Variants in SNX27 observed in about 807,000 individuals in gnomAD.
SNX27 encodes sorting nexin 27.
A neutral mutation model predicts 71.6 loss-of-function variants in SNX27; 22 were observed. The observed-to-expected ratio is 0.31, with a 90% confidence interval of 0.22 to 0.44. The LOEUF (loss-of-function observed/expected upper bound fraction) is 0.44, where lower values mean the gene tolerates loss of function less well. SNX27 is among the 20% of genes least tolerant of loss of function. The pLI, the probability that SNX27 is intolerant of heterozygous loss-of-function variation, is 1.00. For synonymous variants in SNX27, 269 were observed against 277.2 expected, an observed-to-expected ratio of 0.97 and a Z score of 0.29; for missense variants, 531 against 698.6, an observed-to-expected ratio of 0.76 and a Z score of 2.70.
chr1:151,652,211 AGGGAGAGGGAGAGGGAG>A (rs1669434631), intron 2 of SNX27, among the ~76,000 whole-genome samples: 1 of 57,402 alleles, frequency 1.7e-5, no homozygotes, highest in African/African-American at 9.6e-5. Flanking sequence ...CCGTGGGGAG[AGGGAGAGGGAGAGGGAG>A]AGGGAGAGGG....
intron 8 of SNX27, among the ~76,000 whole-genome samples, chr1:151,687,429 T>C (rs1285597539): frequency 6.6e-6 from 1 of 152,160 alleles, no homozygotes; most frequent in Admixed American, 6.5e-5. Context: ...GGAACTTTAT[T>C]TTTAAAAAGC....
rs1420930583 is a variant in SNX27 at position 151,668,629 on chromosome 1, T to C, written c.1143T>C (p.Phe381=). ...NDNDLAVTYF[F]HQAVDDVKKG... ...ATGACCTTGCTGTTACCTACTTCTT[T>C]CATCAGGTAGGTGAATTGATCTTCT... Residue 381 remains phenylalanine (F), a synonymous_variant, in exon 7 of 12, where the codon TTT becomes TTC. Transcript: ENST00000458013. 3 of 1,611,578 alleles carry C rather than the reference T, an allele frequency of 1.9e-6. No individual in the cohort carries two copies. The highest frequency in any genetic ancestry group is 2.2e-5 in the East Asian group (1 of 44,840).
chr1:151,625,218 T>C (rs1003858798), intron 1 of SNX27, among the ~76,000 whole-genome samples: 3 of 152,206 alleles, frequency 2.0e-5, no homozygotes, highest in East Asian at 3.9e-4. Context: ...TTAAAAATAC[T>C]GGTGTAGGCC....
chr1:151,671,619 T>A (rs1210216163), intron 7 of SNX27, among the ~76,000 whole-genome samples: 1 of 152,090 alleles, frequency 6.6e-6, no homozygotes, highest in African/African-American at 2.4e-5. Flanking sequence ...GTTTTTTTTT[T>A]CTATTTTTGT....
chr1:151,619,970 G>A (rs1277455414), intron 1 of SNX27, among the ~76,000 whole-genome samples: 2 of 152,228 alleles, frequency 1.3e-5, no homozygotes, highest in Non-Finnish European at 2.9e-5. Context: ...AGAGGCAGGA[G>A]TGAATATGCC....
At chr1:151,626,699 C>CTAAATAAA (rs71090202) in intron 1 of SNX27, among the ~76,000 whole-genome samples, 113 of 151,018 alleles carry the variant, frequency 7.5e-4, no homozygotes, top group African/African-American at 2.1e-3. Flanking sequence ...AAGACTCCGT[C>CTAAATAAA]TAAATAAATA....
intron 5 of SNX27, among the ~76,000 whole-genome samples, chr1:151,665,694 A>G (rs1670158614): frequency 6.6e-6 from 1 of 152,196 alleles, no homozygotes; most frequent in Non-Finnish European, 1.5e-5. Flanking sequence ...GTATTTAGAG[A>G]TAATAGCTGT....
At chr1:151,692,405 C>CTTTTTT (rs1558078028) in intron 8 of SNX27, 30 bp from the exon 9 acceptor site, 1 of 1,261,158 alleles carries the variant, frequency 7.9e-7, no homozygotes. Flanking sequence ...GTTTCTCCTT[C>CTTTTTT]CTTTTTTTTT....
intron 2 of SNX27, among the ~76,000 whole-genome samples, chr1:151,646,456 A>G (rs1669035636): frequency 6.6e-6 from 1 of 151,586 alleles, no homozygotes; most frequent in South Asian, 2.1e-4. Context: ...TTGGATGGAT[A>G]GAGTATTTTT....
Position 151,653,555 on chromosome 1 carries a change from A to G in SNX27, c.544-4680A>G, listed in dbSNP as rs193294643. 1.1e-4 allele frequency among the ~76,000 whole-genome samples: 17 copies of G among 152,264 alleles called. 1 individual carries two copies. Among genetic ancestry groups the G allele is most frequent in the East Asian group, 9.7e-4 (5 of 5,180 alleles). On this transcript the variant is annotated intron_variant, in intron 2 of 11. Transcript: ENST00000458013. Reference sequence around the variant, plus strand: ...GTTTTTTGAGACAAGCTCTCCTTCTATCACTCAGACTGGAGTGCAGTTGCA... The same window carrying G: ...GTTTTTTGAGACAAGCTCTCCTTCTGTCACTCAGACTGGAGTGCAGTTGCA...
intron 2 of SNX27, among the ~76,000 whole-genome samples, chr1:151,656,928 T>A (rs533561323): frequency 1.3e-5 from 2 of 152,048 alleles, no homozygotes; most frequent in South Asian, 4.2e-4. Context: ...AAAATTAGAA[T>A]AAAAATAAAA....
At chr1:151,647,038 T>G (rs1252733934) in intron 2 of SNX27, among the ~76,000 whole-genome samples, 13 of 152,220 alleles carry the variant, frequency 8.5e-5, no homozygotes, top group Admixed American at 8.5e-4. Flanking sequence ...TATCTTTGCT[T>G]TAAACAATTG....
intron 4 of SNX27, 91 bp from the exon 5 acceptor site, chr1:151,662,075 C>A: frequency 1.3e-6 from 1 of 797,248 alleles, no homozygotes; most frequent in Non-Finnish European, 2.0e-6. Flanking sequence ...TTCTTCTCTA[C>A]CACGTTTTAG....
At chr1:151,628,260 G>A (rs975080532) in intron 1 of SNX27, among the ~76,000 whole-genome samples, 2 of 152,028 alleles carry the variant, frequency 1.3e-5, no homozygotes, top group African/African-American at 4.8e-5. Flanking sequence ...GCCCATCTTC[G>A]CCTACCTAAG....
At chr1:151,638,655 A>G (rs981741329) in intron 1 of SNX27, among the ~76,000 whole-genome samples, 5 of 152,158 alleles carry the variant, frequency 3.3e-5, no homozygotes, top group African/African-American at 1.2e-4. Context: ...GGATATTAGT[A>G]TAGAGGAAGG....
chr1:151,614,280 G>A (rs763208420), intron 1 of SNX27: 11 of 151,406 alleles, frequency 7.3e-5, no homozygotes, highest in Non-Finnish European at 1.5e-4. Flanking sequence ...TTTCATTAAT[G>A]TCCTACATAC....
At chr1:151,676,221 T>C (rs1422750340) in intron 7 of SNX27, 1 of 150,620 alleles carries the variant, frequency 6.6e-6, no homozygotes, top group African/African-American at 2.4e-5. Context: ...GCCATTTTAA[T>C]AGATATTTAC....
chr1:151,686,713 A>G (rs1430273871), intron 8 of SNX27, among the ~76,000 whole-genome samples: 1 of 152,266 alleles, frequency 6.6e-6, no homozygotes, highest in East Asian at 1.9e-4. Flanking sequence ...TTCTGAGCCC[A>G]TAGGCCCTGA....
At chr1:151,622,627 A>G (rs924903225) in intron 1 of SNX27, among the ~76,000 whole-genome samples, 1 of 152,196 alleles carries the variant, frequency 6.6e-6, no homozygotes, top group Non-Finnish European at 1.5e-5. Flanking sequence ...CATGTTGACA[A>G]TGATTCAAAA....
Sources: gnomAD v4.1 joint callset for allele counts (sites outside exome capture counted in the v4.1 genomes callset) on GRCh38, gnomAD v4.1.1 for gene constraint, MANE v1.5 for transcripts, NCBI Gene and HGNC (gene_info 2026-07-23, HGNC 2026-07-21) for gene names.